SLC44A5: variants seen among roughly 807,000 people sequenced by gnomAD.
SLC44A5 encodes the protein solute carrier family 44 member 5, also known as choline transporter-like protein 5.
SLC44A5 carries 57 observed loss-of-function variants against 101.8 expected under a neutral mutation model. The observed-to-expected ratio is 0.56, with a 90% CI of 0.45 to 0.70. The LOEUF (loss-of-function observed/expected upper bound fraction) is 0.70. Ranked by LOEUF, SLC44A5 falls within the 30% of genes least tolerant of loss-of-function variation. The pLI, the probability that SLC44A5 is intolerant of heterozygous loss-of-function variation, is 0.00. For synonymous variants in SLC44A5, 281 were observed against 290.9 expected, an observed-to-expected ratio of 0.97 and a Z score of 0.35; for missense variants, 737 against 853.1, an observed-to-expected ratio of 0.86 and a Z score of 1.70.
At chr1:75,717,922 G>A in the SLC44A5 span, among the ~76,000 whole-genome samples, 1 of 152,210 alleles carries the variant, frequency 6.6e-6, no homozygotes, top group Non-Finnish European at 1.5e-5. Context: ...GTAATGTTGA[G>A]GTGGTTAATG....
At chr1:75,674,914 T>A in the SLC44A5 span, among the ~76,000 whole-genome samples, 1 of 152,188 alleles carries the variant, frequency 6.6e-6, no homozygotes, top group Non-Finnish European at 1.5e-5. Flanking sequence ...GAATATCAGA[T>A]GGTTGTAGAT....
Position 75,553,279 on chromosome 1 carries a change from T to A in SLC44A5, c.-69-11763A>T, listed in dbSNP as rs192101970. On this transcript the variant is annotated intron_variant, in intron 1 of 23. Coordinates refer to ENST00000370859, the MANE Select transcript of SLC44A5 (RefSeq NM_001130058.2). ...TGCTAGGTTCTAAGGAGTACAAGAG[T>A]AATAAGACATATTTTCTAACTCTCA... Among the ~76,000 whole-genome samples the A allele has an allele frequency of 2.0e-3, 305 of 152,266 alleles. 1 individual carries two copies. The highest frequency in any genetic ancestry group is 3.8e-3 in the Non-Finnish European group (256 of 68,002).
intron 6 of SLC44A5, among the ~76,000 whole-genome samples, chr1:75,270,453 T>C (rs886082346): frequency 6.6e-6 from 1 of 152,054 alleles, no homozygotes; most frequent in Admixed American, 6.6e-5. Context: ...AACAAACGAT[T>C]CTGAAATAAT....
At chr1:75,316,577 A>C (rs1172184221) in intron 4 of SLC44A5, among the ~76,000 whole-genome samples, 2 of 152,218 alleles carry the variant, frequency 1.3e-5, no homozygotes, top group Non-Finnish European at 2.9e-5. Flanking sequence ...CTTGGAACTT[A>C]ATTAACTCTA....
At chr1:75,652,631 C>T in the SLC44A5 span, among the ~76,000 whole-genome samples, 4 of 152,092 alleles carry the variant, frequency 2.6e-5, no homozygotes, top group South Asian at 6.2e-4. Flanking sequence ...CCTATCACTA[C>T]AAGATTTTAC....
chr1:75,651,318 T>C, the SLC44A5 span, among the ~76,000 whole-genome samples: 1 of 152,326 alleles, frequency 6.6e-6, no homozygotes, highest in African/African-American at 2.4e-5. Flanking sequence ...CTAAGAATTA[T>C]CTGCCTTGTT....
intron 5 of SLC44A5, among the ~76,000 whole-genome samples, chr1:75,281,014 G>A (rs1202943606): frequency 6.6e-6 from 1 of 152,148 alleles, no homozygotes; most frequent in African/African-American, 2.4e-5. Flanking sequence ...CTTTGGAACT[G>A]TGTAGTAGGC....
chr1:75,409,417 T>C (rs979957928), intron 2 of SLC44A5, among the ~76,000 whole-genome samples: 2 of 151,964 alleles, frequency 1.3e-5, no homozygotes, highest in Admixed American at 6.6e-5. Context: ...TTGAATCTAA[T>C]TTTTTTTAAA....
At chr1:75,450,109 C>T (rs1008436479) in intron 2 of SLC44A5, among the ~76,000 whole-genome samples, 3 of 152,132 alleles carry the variant, frequency 2.0e-5, no homozygotes, top group Non-Finnish European at 4.4e-5. Context: ...CACCCCAGAT[C>T]CCAGGGAGGT....
the SLC44A5 span, among the ~76,000 whole-genome samples, chr1:75,685,780 T>G: frequency 1.3e-5 from 2 of 152,240 alleles, no homozygotes; most frequent in African/African-American, 4.8e-5. Context: ...TCCATATTTT[T>G]GGGTATCCTT....
chr1:75,212,489 C>T (rs1646877770), intron 22 of SLC44A5, among the ~76,000 whole-genome samples: 1 of 152,122 alleles, frequency 6.6e-6, no homozygotes, highest in Non-Finnish European at 1.5e-5. Flanking sequence ...TAACAGCCTC[C>T]AGCTCCATCC....
chr1:75,597,645 A>G (rs1374370653), intron 1 of SLC44A5, among the ~76,000 whole-genome samples: 1 of 152,194 alleles, frequency 6.6e-6, no homozygotes, highest in Non-Finnish European at 1.5e-5. Flanking sequence ...ATAAGACTCC[A>G]CACCTACAAC....
chr1:75,598,669 C>A (rs211689), intron 1 of SLC44A5, among the ~76,000 whole-genome samples: 102,586 of 152,070 alleles, frequency 0.67, 34,967 homozygotes, highest in East Asian at 0.84. Context: ...CAAACTAACA[C>A]AGGGACAGAA....
At chr1:75,718,449 C>T in the SLC44A5 span, among the ~76,000 whole-genome samples, 14 of 152,176 alleles carry the variant, frequency 9.2e-5, no homozygotes, top group Admixed American at 7.2e-4. Flanking sequence ...GCATTTCTGC[C>T]TTGGAATGGG....
intron 2 of SLC44A5, among the ~76,000 whole-genome samples, chr1:75,461,748 C>T (rs1346728487): frequency 1.3e-5 from 2 of 152,092 alleles, no homozygotes; most frequent in Non-Finnish European, 2.9e-5. Context: ...GACTAAAAAG[C>T]CCTTGGGCCT....
Position 75,322,627 on chromosome 1 carries a change from C to G in SLC44A5, c.101+16955G>C, listed in dbSNP as rs561145365. On this transcript the variant is annotated intron_variant, in intron 4 of 23. Coordinates refer to ENST00000370859, the MANE Select transcript of SLC44A5 (RefSeq NM_001130058.2). ...TTGAGGCAAATCTTGGATTTAGAAC[C>G]AGTCTCAACTTCCATTATCCTTTTC... 2.0e-5 allele frequency among the ~76,000 whole-genome samples: 3 copies of G among 152,206 alleles called. No individual in the cohort carries two copies. In the South Asian group the frequency reaches 6.2e-4, roughly 32 times the overall value.
At chr1:75,213,884 CT>C (rs71697809) in intron 21 of SLC44A5, 34 bp downstream of exon 21, 1,440 of 1,416,200 alleles carry the variant, frequency 1.0e-3, no homozygotes, top group South Asian at 1.3e-3. Flanking sequence ...ATCTTTTAAA[CT>C]TTTTTTTTTA....
At chr1:75,670,215 G>A in the SLC44A5 span, among the ~76,000 whole-genome samples, 2 of 151,924 alleles carry the variant, frequency 1.3e-5, no homozygotes, top group East Asian at 1.9e-4. Flanking sequence ...AAGGACAAAG[G>A]AAAATAAAGT....
intron 1 of SLC44A5, among the ~76,000 whole-genome samples, chr1:75,598,231 T>A (rs1674766342): frequency 6.6e-6 from 1 of 151,726 alleles, no homozygotes; most frequent in Non-Finnish European, 1.5e-5. Context: ...AAAACTACAA[T>A]CTCACACCAG....
Sources: gnomAD v4.1 joint callset for allele counts (sites outside exome capture counted in the v4.1 genomes callset) on GRCh38, gnomAD v4.1.1 for gene constraint, MANE v1.5 for transcripts, NCBI Gene and HGNC (gene_info 2026-07-23, HGNC 2026-07-21) for gene names.